SGCZ: variants seen among roughly 807,000 people sequenced by gnomAD.
SGCZ encodes zeta-sarcoglycan.
SGCZ carries 40 observed loss-of-function variants against 41.3 expected under a neutral mutation model. The observed-to-expected ratio is 0.97, with a 90% confidence interval of 0.75 to 1.26. The LOEUF (loss-of-function observed/expected upper bound fraction) is 1.26, where lower values mean the gene tolerates loss of function less well. Ranked by LOEUF, SGCZ falls within the 50% of genes most tolerant of loss-of-function variation. The pLI, the probability that SGCZ is intolerant of heterozygous loss-of-function variation, is 0.00. For synonymous variants in SGCZ, 206 were observed against 137.5 expected (o/e 1.50, Z -3.49); for missense variants, 552 against 369.8 (o/e 1.49, Z -4.04).
At chr8:15,096,029 T>A (rs1806332557) in intron 1 of SGCZ, among the ~76,000 whole-genome samples, 1 of 152,142 alleles carries the variant, frequency 6.6e-6, no homozygotes, top group Non-Finnish European at 1.5e-5. Flanking sequence ...GCCATCAAAC[T>A]GTGCCTTATT....
chr8:14,164,666 TC>T lies in SGCZ; in HGVS notation c.460del (p.Glu154LysfsTer2), dbSNP rs746400323. On this transcript the variant is annotated frameshift_variant, in exon 5 of 8. Transcript: ENST00000382080. LOFTEE classifies it high-confidence loss of function. The stretch of plus-strand genomic sequence containing the variant: ...CCTGCCATCTTCACTGGCTCTCACT[TC>T]AAATCTTTTACACTGAGCTTCCACA... ...DAVEAQCKRFEVRASEDGRVL... is the reference protein window; with the variant it reads ...DAVEAQCKRFXVRASEDGRVL... 1 of 1,613,644 alleles carries T rather than the reference TC, an allele frequency of 6.2e-7. No individual in the cohort carries two copies. The highest frequency in any genetic ancestry group is 8.5e-7 in the Non-Finnish European group (1 of 1,179,704).
chr8:14,288,996 T>G (rs1019918710), intron 3 of SGCZ, among the ~76,000 whole-genome samples: 3 of 152,154 alleles, frequency 2.0e-5, no homozygotes, highest in African/African-American at 7.2e-5. Flanking sequence ...GATATCTTAT[T>G]GTGGTTTTTA....
chr8:14,242,405 G>A (rs544462763), intron 3 of SGCZ, among the ~76,000 whole-genome samples: 16 of 152,280 alleles, frequency 1.1e-4, no homozygotes, highest in Admixed American at 2.6e-4. Context: ...TAACATGATT[G>A]TAAGACAGAC....
chr8:14,228,746 A>G (rs7014808), intron 4 of SGCZ, among the ~76,000 whole-genome samples: 91,186 of 151,908 alleles, frequency 0.6, 27,735 homozygotes, highest in East Asian at 0.76. Flanking sequence ...TATCACCCTC[A>G]TTTATATACC....
At chr8:14,193,034 G>A (rs1302441422) in intron 4 of SGCZ, among the ~76,000 whole-genome samples, 3 of 151,790 alleles carry the variant, frequency 2.0e-5, no homozygotes, top group African/African-American at 2.4e-5. Flanking sequence ...TTGGCAGAAT[G>A]GGATACTTTT....
intron 2 of SGCZ, among the ~76,000 whole-genome samples, chr8:14,503,116 T>TA (rs910159450): frequency 6.6e-6 from 1 of 151,758 alleles, no homozygotes; most frequent in Non-Finnish European, 1.5e-5. Flanking sequence ...TATGCAGCCA[T>TA]AAAAAAAAGA....
rs559402604 is a variant in SGCZ, at chr8:14,155,720, A to T, written c.547+8860T>A. Among the ~76,000 whole-genome samples, 12 of 150,714 alleles carry T rather than the reference A, an allele frequency of 8.0e-5. No individual in the cohort carries two copies. The South Asian group carries it at 1.2e-3, about 16-fold the overall frequency. ...TATGTAAAATATATATTATATATTT[A>T]TATATACAAAGGCATATATCTAAAT... is the stretch of plus-strand genomic sequence containing the variant. On this transcript the variant is annotated intron_variant, in intron 5 of 7. Coordinates refer to ENST00000382080, the MANE Select transcript of SGCZ (RefSeq NM_139167.4).
intron 2 of SGCZ, among the ~76,000 whole-genome samples, chr8:14,439,913 T>C (rs376594501): frequency 1.4e-4 from 21 of 152,016 alleles, no homozygotes; most frequent in African/African-American, 4.6e-4. Context: ...ATCCATTATA[T>C]TGGTAACTGA....
intron 4 of SGCZ, among the ~76,000 whole-genome samples, chr8:14,212,617 G>A (rs1805856122): frequency 1.3e-5 from 2 of 152,188 alleles, no homozygotes; most frequent in South Asian, 4.1e-4. Flanking sequence ...AGGATCAAGA[G>A]TCTCTTAAGA....
chr8:14,720,357 T>C (rs992989942), intron 1 of SGCZ, among the ~76,000 whole-genome samples: 8 of 152,070 alleles, frequency 5.3e-5, no homozygotes, highest in African/African-American at 1.4e-4. Context: ...AAATGATTTT[T>C]AAAAACAATA....
chr8:14,199,910 T>C (rs1027189972), intron 4 of SGCZ, among the ~76,000 whole-genome samples: 60 of 152,158 alleles, frequency 3.9e-4, no homozygotes, highest in African/African-American at 1.3e-3. Context: ...AAAAATAAAA[T>C]TTGATACTAG....
chr8:14,340,457 T>C (rs1419346734), intron 2 of SGCZ, among the ~76,000 whole-genome samples: 2 of 152,186 alleles, frequency 1.3e-5, no homozygotes, highest in Non-Finnish European at 2.9e-5. Context: ...TGCAACACAT[T>C]ACAGTTCACT....
chr8:15,008,243 T>A (rs1226247355), intron 1 of SGCZ, among the ~76,000 whole-genome samples: 3 of 152,076 alleles, frequency 2.0e-5, no homozygotes, highest in African/African-American at 7.2e-5. Context: ...ACTCTGGAAA[T>A]CCCTCATTAA....
intron 1 of SGCZ, among the ~76,000 whole-genome samples, chr8:14,784,955 TTATATA>T (rs3069678): frequency 7.6e-6 from 1 of 131,976 alleles, no homozygotes; most frequent in African/African-American, 2.8e-5. Flanking sequence ...ATTTTTTATA[TTATATA>T]TATATAATAT....
At chr8:14,979,313 T>C (rs1801586657) in intron 1 of SGCZ, among the ~76,000 whole-genome samples, 1 of 152,230 alleles carries the variant, frequency 6.6e-6, no homozygotes, top group African/African-American at 2.4e-5. Flanking sequence ...AACAGGCAGA[T>C]GTTTTTGGAA....
intron 1 of SGCZ, among the ~76,000 whole-genome samples, chr8:14,811,518 C>CT (rs71209087): frequency 0.089 from 4,430 of 49,628 alleles, 1,593 homozygotes; most frequent in Middle Eastern, 0.18. Flanking sequence ...GACACTGCAT[C>CT]TTTTTTTTTT....
At chr8:14,195,567 A>G (rs955551683) in intron 4 of SGCZ, among the ~76,000 whole-genome samples, 3 of 152,154 alleles carry the variant, frequency 2.0e-5, no homozygotes, top group Non-Finnish European at 4.4e-5. Flanking sequence ...AATCCTCAGC[A>G]CAAAAATACA....
chr8:14,831,541 C>G (rs920238444), intron 1 of SGCZ, among the ~76,000 whole-genome samples: 1 of 151,972 alleles, frequency 6.6e-6, no homozygotes, highest in Admixed American at 6.6e-5. Context: ...AGACACACAA[C>G]TTTGGGAAAC....
At chr8:14,822,883 A>T (rs1661519080) in intron 1 of SGCZ, among the ~76,000 whole-genome samples, 1 of 152,082 alleles carries the variant, frequency 6.6e-6, no homozygotes, top group African/African-American at 2.4e-5. Context: ...GTGAAATCCC[A>T]TCTCTACAAC....
Sources: gnomAD v4.1 joint callset for allele counts (sites outside exome capture counted in the v4.1 genomes callset) on GRCh38, gnomAD v4.1.1 for gene constraint, MANE v1.5 for transcripts, NCBI Gene and HGNC (gene_info 2026-07-23, HGNC 2026-07-21) for gene names.